The following THADA variants were observed in gnomAD, a reference collection of about 807,000 sequenced individuals.
The protein encoded by THADA is THADA armadillo repeat containing.
In THADA, 213 loss-of-function variants were observed where a neutral mutation model predicts 219.8. The ratio of observed to expected loss-of-function variants is 0.97; its 90% CI spans 0.87 to 1.09. The LOEUF is 1.09. Among genes scored for constraint, THADA ranks in the 50% least tolerant of loss-of-function variants. The probability of loss-of-function intolerance (pLI) is 0.00; values close to 1 mark genes in which losing one functional copy is unlikely to be tolerated. For missense variants in THADA, 2,956 were observed against 2,311.3 expected (o/e 1.28, Z -5.72); for synonymous variants, 1,018 against 828.9 (o/e 1.23, Z -3.92).
At chr2:43,526,662 G>C (rs751289369) in intron 22 of THADA, among the ~76,000 whole-genome samples, 8 of 152,200 alleles carry the variant, frequency 5.3e-5, no homozygotes, top group African/African-American at 1.9e-4. Flanking sequence ...TCCACACACA[G>C]AGAGATGCTG....
intron 26 of THADA, among the ~76,000 whole-genome samples, chr2:43,441,434 T>C (rs529985115): frequency 3.3e-4 from 51 of 152,332 alleles, no homozygotes; most frequent in African/African-American, 1.1e-3. Flanking sequence ...CTGAAGGATA[T>C]GCAACATTAA....
At chr2:43,430,508 T>G in intron 26 of THADA, 1 of 544,988 alleles carries the variant, frequency 1.8e-6, no homozygotes, top group South Asian at 2.1e-5. Flanking sequence ...TCCATGAACT[T>G]TTATCTCAAA....
At chr2:43,273,910 G>C (rs1235183284) in intron 36 of THADA, among the ~76,000 whole-genome samples, 1 of 152,128 alleles carries the variant, frequency 6.6e-6, no homozygotes, top group African/African-American at 2.4e-5. Context: ...CATGTGTGCA[G>C]ATGTTGTTTT....
In THADA at chr2:43,411,918, A is replaced by C. The variant is rs1234411724; in HGVS notation, c.4059-13779T>G. ...GACCAAGACTTGGTATATTAATTTC[A>C]TGGTGATTGTGTTTTAAGATGGGAA... On this transcript the variant is annotated intron_variant, in intron 28 of 37. Coordinates refer to ENST00000405975, the MANE Select transcript of THADA (RefSeq NM_022065.5). 2.0e-5 allele frequency among the ~76,000 whole-genome samples: 3 copies of C among 152,240 alleles called. No individual in the cohort carries two copies. The East Asian group carries it at 5.8e-4, about 29-fold the overall frequency.
At chr2:43,448,122 G>T (rs1315038340) in intron 26 of THADA, among the ~76,000 whole-genome samples, 2 of 152,160 alleles carry the variant, frequency 1.3e-5, no homozygotes, top group Non-Finnish European at 2.9e-5. Flanking sequence ...ACCAGTGAAA[G>T]AATTCTCGAA....
chr2:43,413,336 C>G (rs1676530111), intron 28 of THADA, among the ~76,000 whole-genome samples: 1 of 152,088 alleles, frequency 6.6e-6, no homozygotes, highest in Non-Finnish European at 1.5e-5. Flanking sequence ...CCACCCCCGC[C>G]CCATCACCAG....
intron 36 of THADA, among the ~76,000 whole-genome samples, chr2:43,272,734 C>T (rs964782708): frequency 6.6e-6 from 1 of 150,578 alleles, no homozygotes; most frequent in African/African-American, 2.4e-5. Flanking sequence ...AAGTGATCCT[C>T]CCACCTCAGC....
chr2:43,275,195 G>A (rs1381196985), intron 36 of THADA, among the ~76,000 whole-genome samples: 1 of 151,896 alleles, frequency 6.6e-6, no homozygotes, highest in Admixed American at 6.6e-5. Context: ...ATTAGAAATG[G>A]GGTTTCACCA....
chr2:43,236,017 G>C (rs969366645), intron 36 of THADA, among the ~76,000 whole-genome samples: 43 of 152,154 alleles, frequency 2.8e-4, no homozygotes, highest in African/African-American at 9.9e-4. Context: ...CACCGTGTTA[G>C]CCATGATGGT....
At chr2:43,473,015 A>G (rs13417883) in intron 26 of THADA, among the ~76,000 whole-genome samples, 21,938 of 152,202 alleles carry the variant, frequency 0.14, 2,152 homozygotes, top group African/African-American at 0.28. Flanking sequence ...GTGGGTGAAC[A>G]TGAAGGCCTA....
intron 26 of THADA, among the ~76,000 whole-genome samples, chr2:43,433,143 GAGAT>G (rs1457945790): frequency 6.6e-6 from 1 of 152,020 alleles, no homozygotes; most frequent in Non-Finnish European, 1.5e-5. Context: ...TGTATAGTGT[GAGAT>G]AGAGGTCAAG....
intron 29 of THADA, among the ~76,000 whole-genome samples, chr2:43,373,190 G>C (rs1363315783): frequency 1.3e-5 from 2 of 152,080 alleles, no homozygotes; most frequent in African/African-American, 4.8e-5. Flanking sequence ...TAAATGTTAG[G>C]GGAGTGTACA....
At position 43,581,960 on chromosome 2, in the gene THADA, G is replaced by T. The variant is rs116309007; in HGVS notation, c.534-32C>A. 3,017 of 1,451,150 alleles carry T rather than the reference G, an allele frequency of 2.1e-3. 57 individuals carry two copies. In the African/African-American group the frequency reaches 0.039, roughly 19 times the overall value. 89.9% of individuals were successfully genotyped at this position (1,451,150 alleles called of 1,614,324 possible). ...AGAAGAAAAGACATTATTACAAAAG[G>T]AAATTCAAACAAAAGTGTGAACATT... On this transcript the variant is annotated intron_variant, in intron 7 of 37. Transcript: ENST00000405975.
intron 34 of THADA, 118 bp from the exon 35 acceptor site, chr2:43,287,179 A>G: frequency 4.4e-6 from 4 of 918,098 alleles, no homozygotes; most frequent in Non-Finnish European, 6.3e-6. Context: ...CAATGGGAAG[A>G]AAGTTGTTTT....
chr2:43,508,607 G>A, intron 23 of THADA, 41 bp downstream of exon 23: 1 of 1,596,804 alleles, frequency 6.3e-7, no homozygotes, highest in Non-Finnish European at 8.5e-7. Flanking sequence ...ATCATCAAAA[G>A]ACAAATATAA....
intron 29 of THADA, among the ~76,000 whole-genome samples, chr2:43,374,452 G>A (rs956683658): frequency 2.0e-5 from 3 of 152,178 alleles, no homozygotes; most frequent in Non-Finnish European, 4.4e-5. Flanking sequence ...GCATCTAAGT[G>A]TTTGACCCAG....
chr2:43,541,516 TTTC>T (rs902316907), intron 20 of THADA, among the ~76,000 whole-genome samples, 200 bp from the exon 21 acceptor site: 1 of 152,118 alleles, frequency 6.6e-6, no homozygotes, highest in African/African-American at 2.4e-5. Context: ...TTTTTTTTTT[TTTC>T]TTTTTTGGAG....
At chr2:43,366,481 GA>G (rs1039861112) in intron 29 of THADA, among the ~76,000 whole-genome samples, 28 of 152,210 alleles carry the variant, frequency 1.8e-4, no homozygotes, top group African/African-American at 6.3e-4. Context: ...ACAATTCAGT[GA>G]AAAAAGCAGA....
intron 23 of THADA, among the ~76,000 whole-genome samples, chr2:43,507,729 C>A (rs1689865397): frequency 6.6e-6 from 1 of 152,142 alleles, no homozygotes; most frequent in African/African-American, 2.4e-5. Flanking sequence ...CCACCATATT[C>A]CCGGATTTAA....
Sources: allele counts gnomAD v4.1 joint callset (sites outside exome capture counted in the v4.1 genomes callset), GRCh38; gene constraint gnomAD v4.1.1; transcripts MANE v1.5; gene names NCBI Gene and HGNC (gene_info 2026-07-23, HGNC 2026-07-21).